BTBD1: variants seen among roughly 807,000 people sequenced by gnomAD.
BTBD1 encodes the protein BTB/POZ domain-containing protein 1.
BTBD1 carries 34 observed loss-of-function variants against 48.0 expected under a neutral mutation model. The ratio of observed to expected loss-of-function variants is 0.71; its 90% confidence interval spans 0.54 to 0.94. The LOEUF (loss-of-function observed/expected upper bound fraction) is 0.94, where lower values mean the gene tolerates loss of function less well. BTBD1 is among the 40% of genes least tolerant of loss of function. BTBD1 has a pLI of 0.00. For missense variants in BTBD1, 543 were observed against 625.6 expected, an observed-to-expected ratio of 0.87 and a Z score of 1.41; for synonymous variants, 261 against 242.1, an observed-to-expected ratio of 1.08 and a Z score of -0.72.
At chr15:83,043,298 T>C (rs1315571657) in intron 3 of BTBD1, among the ~76,000 whole-genome samples, 1 of 152,104 alleles carries the variant, frequency 6.6e-6, no homozygotes, top group Non-Finnish European at 1.5e-5. Flanking sequence ...GTGCCTGGCA[T>C]ATCTGAGGAA....
chr15:83,060,569 G>A (rs1328988237), intron 1 of BTBD1, among the ~76,000 whole-genome samples: 2 of 152,002 alleles, frequency 1.3e-5, no homozygotes, highest in African/African-American at 4.8e-5. Flanking sequence ...CGAGGCAGGC[G>A]GATCACCTGG....
At chr15:83,055,180 CTA>C (rs2033061966) in intron 2 of BTBD1, among the ~76,000 whole-genome samples, 1 of 151,988 alleles carries the variant, frequency 6.6e-6, no homozygotes, top group African/African-American at 2.4e-5. Context: ...ATGCTAAATA[CTA>C]TATGTTAAGG....
At chr15:83,049,210 C>T (rs1407331113) in intron 3 of BTBD1, among the ~76,000 whole-genome samples, 2 of 152,118 alleles carry the variant, frequency 1.3e-5, no homozygotes, top group African/African-American at 4.8e-5. Context: ...TCACAGGGCA[C>T]ACTCACACAC....
chr15:83,042,348 TTATATA>T (rs61294242), intron 3 of BTBD1, among the ~76,000 whole-genome samples: 66 of 109,880 alleles, frequency 6.0e-4, no homozygotes, highest in African/African-American at 1.0e-3. Context: ...TTAGGCAATT[TTATATA>T]TATATATATA....
At chr15:83,060,878 T>G (rs1271167446) in intron 1 of BTBD1, among the ~76,000 whole-genome samples, 1 of 152,222 alleles carries the variant, frequency 6.6e-6, no homozygotes, top group Middle Eastern at 3.2e-3. Flanking sequence ...ACAAGATATG[T>G]GTAAGAAACT....
intron 5 of BTBD1, among the ~76,000 whole-genome samples, chr15:83,028,397 CTGTT>C (rs1372152337): frequency 1.3e-5 from 2 of 152,142 alleles, no homozygotes; most frequent in Admixed American, 6.5e-5. Context: ...CAAATAAACT[CTGTT>C]TGGTCATACA....
At chr15:83,051,904 A>ACACACACACACACACACACACACAC (rs61375537) in intron 2 of BTBD1, among the ~76,000 whole-genome samples, 1 of 149,880 alleles carries the variant, frequency 6.7e-6, no homozygotes, top group African/African-American at 2.5e-5. Flanking sequence ...ACACACACAC[A>ACACACACACACACACACACACACAC]TCTATCTGGG....
intron 1 of BTBD1, among the ~76,000 whole-genome samples, chr15:83,062,816 A>C (rs1355940978): frequency 6.6e-6 from 1 of 152,104 alleles, no homozygotes; most frequent in Non-Finnish European, 1.5e-5. Context: ...AAGAACACTT[A>C]CCTCGTGCCC....
chr15:83,051,447 T>G (rs2032979242), intron 2 of BTBD1, among the ~76,000 whole-genome samples: 1 of 150,528 alleles, frequency 6.6e-6, no homozygotes, highest in African/African-American at 2.4e-5. Flanking sequence ...GGCTTTAAAT[T>G]TTTTAAATTT....
intron 1 of BTBD1, among the ~76,000 whole-genome samples, chr15:83,057,678 C>T (rs1441784331): frequency 1.3e-5 from 2 of 152,210 alleles, no homozygotes; most frequent in African/African-American, 4.8e-5. Context: ...CTGAAGTCTC[C>T]AAGATGACAT....
intron 4 of BTBD1, among the ~76,000 whole-genome samples, chr15:83,034,925 A>G (rs1485940895): frequency 6.6e-6 from 1 of 152,222 alleles, no homozygotes; most frequent in Non-Finnish European, 1.5e-5. Context: ...TTGAACAGAT[A>G]CAGGACTATT....
rs778925644 is a variant in BTBD1, at chr15:83,041,725, T to C, written c.862+3A>G. The stretch of plus-strand genomic sequence containing the variant: ...ATAGATTTTGGTGAATTTATACCCT[T>C]ACCTGCTGCAAATTCCTCAATTGTC... On this transcript the variant is annotated splice_donor_region_variant and intron_variant, in intron 4 of 7. Coordinates refer to ENST00000261721, the MANE Select transcript of BTBD1 (RefSeq NM_025238.4). The C allele has an allele frequency of 6.2e-7, 1 of 1,613,728 alleles. No homozygotes were observed. The highest frequency in any genetic ancestry group is 8.5e-7 in the Non-Finnish European group (1 of 1,179,616).
At chr15:83,023,971 G>A (rs1429894885) in intron 5 of BTBD1, among the ~76,000 whole-genome samples, 3 of 152,058 alleles carry the variant, frequency 2.0e-5, no homozygotes, top group East Asian at 1.9e-4. Context: ...AGGTTCAAGC[G>A]ATCCTCCCAA....
chr15:83,055,565 T>C (rs2033068947), intron 2 of BTBD1, among the ~76,000 whole-genome samples: 1 of 152,216 alleles, frequency 6.6e-6, no homozygotes, highest in Non-Finnish European at 1.5e-5. Context: ...CCACAATCTA[T>C]GTAGTTTTCT....
intron 1 of BTBD1, among the ~76,000 whole-genome samples, chr15:83,059,854 A>G (rs775766736): frequency 2.0e-5 from 3 of 152,186 alleles, no homozygotes; most frequent in African/African-American, 7.2e-5. Flanking sequence ...AGCCTCCCCA[A>G]GTGCTGGGAT....
intron 5 of BTBD1, among the ~76,000 whole-genome samples, chr15:83,025,779 T>C (rs930541984): frequency 6.6e-5 from 10 of 151,346 alleles, no homozygotes; most frequent in African/African-American, 2.4e-4. Flanking sequence ...CCATTTTTTC[T>C]TTTTTTTTGA....
chr15:83,042,638 C>A (rs2032790185), intron 3 of BTBD1, among the ~76,000 whole-genome samples: 2 of 152,020 alleles, frequency 1.3e-5, no homozygotes, highest in Non-Finnish European at 2.9e-5. Flanking sequence ...CCTGCCTCGG[C>A]CTTCCAAAGT....
At chr15:83,041,678 C>T in intron 4 of BTBD1, 50 bp downstream of exon 4, 1 of 1,567,208 alleles carries the variant, frequency 6.4e-7, no homozygotes, top group Non-Finnish European at 8.8e-7. Context: ...CCAGCCCTGA[C>T]AGACTATTAA....
At chr15:83,025,539 T>A (rs185727970) in intron 5 of BTBD1, among the ~76,000 whole-genome samples, 1 of 152,132 alleles carries the variant, frequency 6.6e-6, no homozygotes, top group East Asian at 1.9e-4. Context: ...TACTTTATAG[T>A]TCTTACTGGG....
Sources: allele counts gnomAD v4.1 joint callset (sites outside exome capture counted in the v4.1 genomes callset), GRCh38; gene constraint gnomAD v4.1.1; transcripts MANE v1.5; gene names NCBI Gene and HGNC (gene_info 2026-07-23, HGNC 2026-07-21).